CORIN: variants seen among roughly 807,000 people sequenced by gnomAD.
CORIN encodes the protein atrial natriuretic peptide-converting enzyme.
CORIN carries 117 observed loss-of-function variants against 125.3 expected under a neutral mutation model. The observed-to-expected ratio is 0.93, with a 90% confidence interval of 0.80 to 1.09. The LOEUF (loss-of-function observed/expected upper bound fraction) is 1.09, where lower values mean the gene tolerates loss of function less well. Among genes scored for constraint, CORIN ranks in the 50% least tolerant of loss-of-function variants. The pLI, the probability that CORIN is intolerant of heterozygous loss-of-function variation, is 0.00. For synonymous variants in CORIN, 450 were observed against 466.4 expected (o/e 0.96, Z 0.45); for missense variants, 1,253 against 1,306.7 (o/e 0.96, Z 0.63).
At chr4:47,741,524 C>T (rs2109832613) in intron 5 of CORIN, among the ~76,000 whole-genome samples, 1 of 152,114 alleles carries the variant, frequency 6.6e-6, no homozygotes, top group Middle Eastern at 3.4e-3. Flanking sequence ...TAATACTAGT[C>T]ACAGCAATTC....
rs549491764 is a variant in CORIN, at chr4:47,623,223, T to C, written c.2540+348A>G. 5.9e-4 allele frequency among the ~76,000 whole-genome samples: 89 copies of C among 151,974 alleles called. 1 individual carries two copies. Among genetic ancestry groups the C allele is most frequent in the Middle Eastern group, 3.4e-3 (1 of 294 alleles). Reference sequence around the variant, plus strand: ...CAGTTGCGCCTGCATCCAAACCTCATTGTAGTATCCAAATAAATCACTTCT... The same window carrying C: ...CAGTTGCGCCTGCATCCAAACCTCACTGTAGTATCCAAATAAATCACTTCT... On this transcript the variant is annotated intron_variant, in intron 19 of 21. Coordinates refer to ENST00000273857, the MANE Select transcript of CORIN (RefSeq NM_006587.4).
rs1728583943 is a variant in CORIN at position 47,744,694 on chromosome 4, C to T, written c.618-111G>A. The stretch of plus-strand genomic sequence containing the variant: ...TGTTGTGATATTATCTTAATTTATA[C>T]TTACTATAGTCAGCAACTTAAATTT... On this transcript the variant is annotated intron_variant, in intron 4 of 21. Transcript: ENST00000273857. 1.7e-5 allele frequency: 17 copies of T among 1,017,790 alleles called. No individual in the cohort carries two copies. In the South Asian group the frequency reaches 3.5e-4, roughly 21 times the overall value. The allele number at this position is 1,017,790 out of a possible 1,614,324, so 63.0% of individuals were successfully genotyped here. A position where few individuals can be genotyped will look rare whatever the true frequency, so the allele number is the denominator to read the frequency against.
chr4:47,816,191 G>A (rs61758472), intron 1 of CORIN, among the ~76,000 whole-genome samples: 17,383 of 152,184 alleles, frequency 0.11, 1,312 homozygotes, highest in South Asian at 0.19. Context: ...GAACCTACCT[G>A]CTGAAAAGGA....
intron 5 of CORIN, among the ~76,000 whole-genome samples, chr4:47,728,070 T>A (rs1727682548): frequency 6.6e-6 from 1 of 152,188 alleles, no homozygotes. Flanking sequence ...GAATGGAGAC[T>A]TCAAATTGCT....
chr4:47,806,539 C>G (rs1444483812), intron 2 of CORIN, among the ~76,000 whole-genome samples: 1 of 152,160 alleles, frequency 6.6e-6, no homozygotes, highest in East Asian at 1.9e-4. Flanking sequence ...GGGACCTTGT[C>G]TATACACTTC....
At chr4:47,833,367 C>T (rs962524445) in intron 1 of CORIN, among the ~76,000 whole-genome samples, 1 of 152,030 alleles carries the variant, frequency 6.6e-6, no homozygotes, top group African/African-American at 2.4e-5. Flanking sequence ...AACATTGGAA[C>T]TTTATCTCAT....
rs185766632 is a variant in CORIN, at chr4:47,600,363, A to G, written c.2813-16T>C. 7.1e-5 allele frequency: 112 copies of G among 1,587,654 alleles called. 1 individual carries two copies. The African/African-American group carries it at 1.2e-3, about 17-fold the overall frequency. ...TTAAATGGCACTGAATTTTTAAAAAATAAGAATATATATATGATGATAAAA... is the reference window on the plus strand; with the variant it reads ...TTAAATGGCACTGAATTTTTAAAAAGTAAGAATATATATATGATGATAAAA... On this transcript the variant is annotated splice_polypyrimidine_tract_variant and intron_variant, in intron 20 of 21. Coordinates refer to ENST00000273857, the MANE Select transcript of CORIN (RefSeq NM_006587.4).
chr4:47,803,928 T>C lies in CORIN; in HGVS notation c.208+2975A>G, dbSNP rs200671830. ...CAAAGTGAAGAGACAACCCACAGAATGAGAGAAAATATTTTCAAACTACCC... is the reference window on the plus strand; with the variant it reads ...CAAAGTGAAGAGACAACCCACAGAACGAGAGAAAATATTTTCAAACTACCC... On this transcript the variant is annotated intron_variant, in intron 2 of 21. Coordinates refer to ENST00000273857, the MANE Select transcript of CORIN (RefSeq NM_006587.4). Among the ~76,000 whole-genome samples, 3 of 152,122 alleles carry C rather than the reference T, an allele frequency of 2.0e-5. No individual in the cohort carries two copies. In the East Asian group the frequency reaches 5.8e-4, roughly 29 times the overall value.
At chr4:47,770,223 C>T (rs1729959351) in intron 3 of CORIN, among the ~76,000 whole-genome samples, 1 of 151,954 alleles carries the variant, frequency 6.6e-6, no homozygotes, top group Non-Finnish European at 1.5e-5. Flanking sequence ...CAAAAAAATA[C>T]ATACGAATGG....
intron 5 of CORIN, among the ~76,000 whole-genome samples, chr4:47,734,580 G>C (rs898137321): frequency 6.6e-6 from 1 of 152,090 alleles, no homozygotes; most frequent in Admixed American, 6.5e-5. Flanking sequence ...TTAACATTCT[G>C]TTTCTTACAC....
chr4:47,686,299 T>C (rs921604565), intron 6 of CORIN, among the ~76,000 whole-genome samples: 4 of 152,020 alleles, frequency 2.6e-5, no homozygotes, highest in African/African-American at 9.7e-5. Context: ...CACACGCATA[T>C]ATACACGTAA....
chr4:47,729,643 G>A (rs1727769385), intron 5 of CORIN, among the ~76,000 whole-genome samples: 1 of 152,100 alleles, frequency 6.6e-6, no homozygotes, highest in Admixed American at 6.6e-5. Context: ...GTAGAAGAGG[G>A]CGGTTCCCCA....
At chr4:47,759,835 C>G (rs1418615723) in intron 4 of CORIN, among the ~76,000 whole-genome samples, 4 of 152,206 alleles carry the variant, frequency 2.6e-5, no homozygotes, top group Admixed American at 2.6e-4. Context: ...GAGATTGTAG[C>G]AATTCAGTCA....
At chr4:47,687,796 C>T (rs1308900396) in intron 6 of CORIN, among the ~76,000 whole-genome samples, 4 of 152,124 alleles carry the variant, frequency 2.6e-5, no homozygotes, top group Admixed American at 6.5e-5. Flanking sequence ...AGGAGTTAGA[C>T]GGTCTGTCCA....
chr4:47,643,003 A>T, intron 15 of CORIN, 143 bp downstream of exon 15: 1 of 1,539,900 alleles, frequency 6.5e-7, no homozygotes, highest in Middle Eastern at 1.7e-4. Context: ...ACACACATAG[A>T]TCAGCACTAT....
intron 3 of CORIN, among the ~76,000 whole-genome samples, chr4:47,780,611 A>T (rs1730496743): frequency 1.3e-5 from 2 of 152,190 alleles, no homozygotes; most frequent in Non-Finnish European, 2.9e-5. Flanking sequence ...ATTTTTTTTT[A>T]CTAGAGAGCA....
intron 13 of CORIN, among the ~76,000 whole-genome samples, chr4:47,647,360 T>A (rs1723536552): frequency 6.6e-6 from 1 of 152,066 alleles, no homozygotes; most frequent in South Asian, 2.1e-4. Context: ...TAATAGAGAA[T>A]GAAATAAAAT....
intron 5 of CORIN, among the ~76,000 whole-genome samples, chr4:47,729,924 C>T (rs1577869983): frequency 6.6e-6 from 1 of 152,096 alleles, no homozygotes; most frequent in Non-Finnish European, 1.5e-5. Flanking sequence ...CTGGGTGCTC[C>T]GGCTCCAGGG....
rs1387339870 is a variant in CORIN, at chr4:47,739,573, G to C, written c.799+4829C>G. 2.0e-5 allele frequency among the ~76,000 whole-genome samples: 3 copies of C among 151,892 alleles called. No homozygotes were observed. In the East Asian group the frequency reaches 5.8e-4, roughly 29 times the overall value. On this transcript the variant is annotated intron_variant, in intron 5 of 21. Transcript: ENST00000273857. The stretch of plus-strand genomic sequence containing the variant: ...GAAGTCCTTTGGGATAAAATAAAAG[G>C]ACAGTATACAGCAACTTGAATCCAT...
Sources: allele counts gnomAD v4.1 joint callset (sites outside exome capture counted in the v4.1 genomes callset), GRCh38; gene constraint gnomAD v4.1.1; transcripts MANE v1.5; gene names NCBI Gene and HGNC (gene_info 2026-07-23, HGNC 2026-07-21).